Variants in PCLO observed in about 807,000 individuals in gnomAD.
The protein encoded by PCLO is protein piccolo.
Under a neutral mutation model 427.5 loss-of-function variants are expected in PCLO, and 82 were observed. That is an observed-to-expected ratio of 0.19 (90% CI 0.16 to 0.23). The LOEUF (loss-of-function observed/expected upper bound fraction) is 0.23. Among genes scored for constraint, PCLO ranks in the 10% least tolerant of loss-of-function variants. The pLI, the probability that PCLO is intolerant of heterozygous loss-of-function variation, is 1.00. For missense variants in PCLO, 6,239 were observed against 6,115.9 expected, an observed-to-expected ratio of 1.02 and a Z score of -0.67; for synonymous variants, 2,357 against 2,155.4, an observed-to-expected ratio of 1.09 and a Z score of -2.59.
At chr7:83,153,229 A>G (rs1439966536) in intron 2 of PCLO, among the ~76,000 whole-genome samples, 2 of 150,490 alleles carry the variant, frequency 1.3e-5, no homozygotes, top group East Asian at 3.9e-4. Flanking sequence ...GTATATGTAT[A>G]TATGTGTATA....
intron 20 of PCLO, 51 bp from the exon 21 acceptor site, chr7:82,805,880 T>G: frequency 6.5e-7 from 1 of 1,535,986 alleles, no homozygotes; most frequent in Non-Finnish European, 8.8e-7. Flanking sequence ...GAAGCTGACA[T>G]TGATCTACAA....
chr7:83,026,815 T>C (rs937251769), intron 3 of PCLO, among the ~76,000 whole-genome samples: 18 of 147,982 alleles, frequency 1.2e-4, no homozygotes, highest in Admixed American at 2.7e-4. Context: ...TCAAAACCGC[T>C]CAACTACATG....
At chr7:83,156,909 G>A (rs576652237) in intron 1 of PCLO, among the ~76,000 whole-genome samples, 1 of 152,228 alleles carries the variant, frequency 6.6e-6, no homozygotes, top group Non-Finnish European at 1.5e-5. Flanking sequence ...AGTCTGCTGA[G>A]ACTTCTTAAA....
chr7:82,927,693 T>C (rs1794744391), intron 6 of PCLO, among the ~76,000 whole-genome samples: 1 of 152,194 alleles, frequency 6.6e-6, no homozygotes, highest in African/African-American at 2.4e-5. Flanking sequence ...AAATTCCTCA[T>C]AATCTCACTG....
Position 82,954,860 on chromosome 7 carries a change from T to C in PCLO, c.6093A>G (p.Ser2031=), listed in dbSNP as rs752640184. 88 of 1,613,812 alleles carry C rather than the reference T, an allele frequency of 5.5e-5. No homozygotes were observed. Among genetic ancestry groups the C allele is most frequent in the Non-Finnish European group, 7.2e-5 (85 of 1,179,864 alleles). Residue 2031 remains serine (S), a synonymous_variant, in exon 5 of 25, where the codon TCA becomes TCG. Transcript: ENST00000333891. ...HSVVPQEDIV[S]SSFIIPESHE... is the part of the protein sequence containing the mutation. ...GGCTTTCTGGGATGATAAAAGAGCT[T>C]GAAACAATATCTTCCTGAGGCACAA...
intron 3 of PCLO, among the ~76,000 whole-genome samples, chr7:83,104,536 A>G (rs879693225): frequency 2.2e-4 from 34 of 152,074 alleles, no homozygotes; most frequent in Non-Finnish European, 4.0e-4. Flanking sequence ...ACAAAATCAT[A>G]CTATGGCTAA....
chr7:83,069,799 C>CCACACACA (rs68086847), intron 3 of PCLO, among the ~76,000 whole-genome samples: 10,841 of 75,660 alleles, frequency 0.14, 878 homozygotes, highest in Middle Eastern at 0.22. Flanking sequence ...ACCCCCCCGC[C>CCACACACA]CACACACACA....
intron 22 of PCLO, among the ~76,000 whole-genome samples, chr7:82,784,073 C>T (rs559205188): frequency 3.0e-4 from 46 of 152,204 alleles, no homozygotes; most frequent in Admixed American, 2.7e-3. Flanking sequence ...AACAAATATT[C>T]GGAGGTCTTT....
intron 10 of PCLO, among the ~76,000 whole-genome samples, chr7:82,850,650 T>C (rs1792628979): frequency 1.3e-5 from 2 of 152,150 alleles, no homozygotes; most frequent in South Asian, 4.1e-4. Flanking sequence ...TTAAAAATCT[T>C]ACAGGTTACT....
intron 3 of PCLO, among the ~76,000 whole-genome samples, chr7:82,979,552 T>C (rs918294038): frequency 1.3e-5 from 2 of 152,210 alleles, no homozygotes; most frequent in Non-Finnish European, 1.5e-5. Context: ...AAATGTGTAT[T>C]ATACATTCTA....
chr7:83,131,701 G>C (rs1216042502), intron 3 of PCLO, among the ~76,000 whole-genome samples: 1 of 151,956 alleles, frequency 6.6e-6, no homozygotes, highest in Non-Finnish European at 1.5e-5. Flanking sequence ...TCTGAGACTG[G>C]CATGGAAGTA....
chr7:82,949,428 G>C, intron 6 of PCLO, 48 bp downstream of exon 6: 2 of 1,394,174 alleles, frequency 1.4e-6, no homozygotes, highest in Middle Eastern at 1.9e-4. Context: ...GAAAACACAT[G>C]ATTAATAACT....
chr7:82,764,710 G>A (rs572827670), intron 22 of PCLO, among the ~76,000 whole-genome samples: 136 of 151,932 alleles, frequency 9.0e-4, no homozygotes, highest in African/African-American at 3.2e-3. Flanking sequence ...GAAAGACACT[G>A]TATGAAACTA....
intron 9 of PCLO, among the ~76,000 whole-genome samples, chr7:82,889,198 G>A (rs1332185669): frequency 6.6e-6 from 1 of 152,020 alleles, no homozygotes; most frequent in African/African-American, 2.4e-5. Context: ...GTCATGTGTG[G>A]TGTCCTGTTC....
At chr7:82,803,622 G>A (rs890176093) in intron 21 of PCLO, among the ~76,000 whole-genome samples, 3 of 152,170 alleles carry the variant, frequency 2.0e-5, no homozygotes, top group African/African-American at 7.2e-5. Flanking sequence ...TGAAGGATGT[G>A]GTTTCTCTGA....
intron 3 of PCLO, among the ~76,000 whole-genome samples, chr7:83,024,854 C>G (rs887271535): frequency 1.3e-5 from 2 of 152,120 alleles, no homozygotes; most frequent in African/African-American, 2.4e-5. Flanking sequence ...ACACTGACAC[C>G]TCACACGGCA....
In PCLO at chr7:82,914,672, G is replaced by A; in HGVS notation, c.13300+14C>T. ...AGTTTTGAGAGTAACAGGGTAGTTT[G>A]AGGCCCAATTTACCTTCACTGTCTG... On this transcript the variant is annotated intron_variant, in intron 7 of 24. Transcript: ENST00000333891. The A allele has an allele frequency of 6.2e-7, 1 of 1,611,912 alleles. No individual in the cohort carries two copies. The highest frequency in any genetic ancestry group is 8.5e-7 in the Non-Finnish European group (1 of 1,178,818).
chr7:83,027,124 A>G (rs1415609164), intron 3 of PCLO, among the ~76,000 whole-genome samples: 6 of 122,560 alleles, frequency 4.9e-5, no homozygotes, highest in African/African-American at 5.9e-5. Context: ...ACTGAAGGAA[A>G]TAGAGACACA....
intron 4 of PCLO, among the ~76,000 whole-genome samples, chr7:82,959,910 CT>C (rs1354891634): frequency 1.3e-5 from 2 of 152,108 alleles, no homozygotes; most frequent in South Asian, 4.1e-4. Context: ...GAGCTGCAGA[CT>C]GGTCAGTGAG....
Sources: allele counts gnomAD v4.1 joint callset (sites outside exome capture counted in the v4.1 genomes callset), GRCh38; gene constraint gnomAD v4.1.1; transcripts MANE v1.5; gene names NCBI Gene and HGNC (gene_info 2026-07-23, HGNC 2026-07-21).